NTM: variants seen among roughly 807,000 people sequenced by gnomAD.
NTM encodes IgLON family member 2.
Under a neutral mutation model 42.1 loss-of-function variants are expected in NTM, and 13 were observed. That is an observed-to-expected ratio of 0.31 (90% CI 0.20 to 0.49). The LOEUF (loss-of-function observed/expected upper bound fraction) is 0.49. NTM is among the 20% of genes least tolerant of loss of function. The pLI, the probability that NTM is intolerant of heterozygous loss-of-function variation, is 0.99. For missense variants in NTM, 373 were observed against 452.8 expected, an observed-to-expected ratio of 0.82 and a Z score of 1.60; for synonymous variants, 187 against 179.2, an observed-to-expected ratio of 1.04 and a Z score of -0.35.
rs558417708 is a variant in NTM at position 131,433,740 on chromosome 11, G to A, written c.82+62852G>A. On this transcript the variant is annotated intron_variant, in intron 1 of 8. Coordinates refer to ENST00000683400, the MANE Select transcript of NTM (RefSeq NM_001352005.2). ...TTTTTTTTCCTTAGGAAGATTTTAG[G>A]CCACTCTTTTTATCCCTGCTATTTT... 1.2e-4 allele frequency among the ~76,000 whole-genome samples: 19 copies of A among 152,068 alleles called. No homozygotes were observed. The South Asian group carries it at 3.9e-3, about 32-fold the overall frequency.
At chr11:131,868,442 G>A (rs528520999) in intron 1 of NTM, among the ~76,000 whole-genome samples, 2 of 152,256 alleles carry the variant, frequency 1.3e-5, no homozygotes, top group Admixed American at 1.3e-4. Context: ...ACCACCACAA[G>A]GTTAACCTTC....
intron 1 of NTM, among the ~76,000 whole-genome samples, chr11:131,461,572 A>G (rs929293244): frequency 1.3e-5 from 2 of 152,198 alleles, no homozygotes; most frequent in African/African-American, 4.8e-5. Flanking sequence ...GATGATGGGC[A>G]AAGGATACAA....
intron 2 of NTM, among the ~76,000 whole-genome samples, chr11:131,961,845 G>A (rs1043010536): frequency 6.6e-6 from 1 of 152,098 alleles, no homozygotes; most frequent in Non-Finnish European, 1.5e-5. Flanking sequence ...GTCACCAAGT[G>A]TGAAATGCAG....
intron 1 of NTM, among the ~76,000 whole-genome samples, chr11:131,715,135 AGG>A (rs2077555166): frequency 6.6e-6 from 1 of 152,214 alleles, no homozygotes; most frequent in Non-Finnish European, 1.5e-5. Flanking sequence ...GATGGGGGCC[AGG>A]CCACCTCAGA....
intron 3 of NTM, among the ~76,000 whole-genome samples, chr11:132,154,167 G>A (rs1367433394): frequency 6.6e-6 from 1 of 152,182 alleles, no homozygotes; most frequent in Non-Finnish European, 1.5e-5. Flanking sequence ...GTTTCAGGTG[G>A]AACCAGATAG....
At chr11:131,514,578 AT>A (rs2048657710) in intron 1 of NTM, among the ~76,000 whole-genome samples, 1 of 151,964 alleles carries the variant, frequency 6.6e-6, no homozygotes, top group Admixed American at 6.6e-5. Context: ...TGATTTATTT[AT>A]TTATTTATTT....
chr11:132,279,660 T>C (rs1301669456), intron 4 of NTM, among the ~76,000 whole-genome samples: 1 of 152,200 alleles, frequency 6.6e-6, no homozygotes, highest in Non-Finnish European at 1.5e-5. Context: ...AGGCCTTTGT[T>C]TATATTTAGC....
intron 4 of NTM, among the ~76,000 whole-genome samples, chr11:132,297,371 A>G (rs1262343160): frequency 6.6e-6 from 1 of 152,220 alleles, no homozygotes; most frequent in African/African-American, 2.4e-5. Context: ...TTTGCTCTGC[A>G]TCTGAGGATG....
intron 4 of NTM, among the ~76,000 whole-genome samples, chr11:132,260,154 C>T (rs898422403): frequency 3.3e-5 from 5 of 152,104 alleles, no homozygotes; most frequent in African/African-American, 4.8e-5. Context: ...CTCAGCCTGG[C>T]ACCAAACTCA....
chr11:132,046,170 TAAGTA>T (rs147917993), intron 2 of NTM, among the ~76,000 whole-genome samples: 13,329 of 152,148 alleles, frequency 0.088, 764 homozygotes, highest in Non-Finnish European at 0.13. Context: ...TTAAATAAGA[TAAGTA>T]AAGTAATATG....
At chr11:131,595,110 T>C (rs986806777) in intron 1 of NTM, among the ~76,000 whole-genome samples, 1 of 152,180 alleles carries the variant, frequency 6.6e-6, no homozygotes, top group African/African-American at 2.4e-5. Context: ...TGTTTTGCCA[T>C]TTGGGGAGGA....
intron 2 of NTM, among the ~76,000 whole-genome samples, chr11:132,019,452 TC>T (rs2073982069): frequency 6.6e-6 from 1 of 152,042 alleles, no homozygotes; most frequent in Admixed American, 6.6e-5. Context: ...ATTTTTTCTT[TC>T]AATTTTGTCA....
intron 1 of NTM, among the ~76,000 whole-genome samples, chr11:131,787,843 C>A (rs889153196): frequency 2.0e-5 from 3 of 152,196 alleles, no homozygotes; most frequent in Non-Finnish European, 4.4e-5. Context: ...ATCTGTTCAG[C>A]GTTTCTACTT....
chr11:131,727,626 A>C (rs1314049056), intron 1 of NTM, among the ~76,000 whole-genome samples: 1 of 152,208 alleles, frequency 6.6e-6, no homozygotes, highest in Non-Finnish European at 1.5e-5. Flanking sequence ...ATCTAAGGAC[A>C]ATCACTCTGG....
At chr11:131,605,716 A>G in intron 1 of NTM, 1 of 859,928 alleles carries the variant, frequency 1.2e-6, no homozygotes. Context: ...GTTTCTTTCT[A>G]TTCCTAGCTT....
At chr11:132,181,200 C>T (rs1440274532) in intron 3 of NTM, among the ~76,000 whole-genome samples, 1 of 152,152 alleles carries the variant, frequency 6.6e-6, no homozygotes. Context: ...CAACTCTCAC[C>T]ACTCCATCTC....
intron 3 of NTM, among the ~76,000 whole-genome samples, chr11:132,149,757 T>C (rs1475057180): frequency 6.6e-6 from 1 of 151,592 alleles, no homozygotes; most frequent in African/African-American, 2.4e-5. Context: ...GGGAGGAGGG[T>C]GACCCTGGAG....
chr11:132,137,513 C>A (rs1401507865), intron 2 of NTM, among the ~76,000 whole-genome samples: 1 of 152,158 alleles, frequency 6.6e-6, no homozygotes, highest in African/African-American at 2.4e-5. Flanking sequence ...TATTGCACAA[C>A]GAACCTGTAA....
At chr11:131,671,357 T>C (rs2070194745) in intron 1 of NTM, 1 of 903,680 alleles carries the variant, frequency 1.1e-6, no homozygotes, top group Non-Finnish European at 1.3e-6. Context: ...GCACACTTTA[T>C]TTATGGAAGG....
Sources: gnomAD v4.1 joint callset for allele counts (sites outside exome capture counted in the v4.1 genomes callset) on GRCh38, gnomAD v4.1.1 for gene constraint, MANE v1.5 for transcripts, NCBI Gene and HGNC (gene_info 2026-07-23, HGNC 2026-07-21) for gene names.